PCM1: variants seen among roughly 807,000 people sequenced by gnomAD.
The protein encoded by PCM1 is pericentriolar material 1 protein.
In PCM1, 157 loss-of-function variants were observed where a neutral mutation model predicts 241.9. The observed-to-expected ratio is 0.65, with a 90% CI of 0.57 to 0.74. The LOEUF (loss-of-function observed/expected upper bound fraction) is 0.74, where lower values mean the gene tolerates loss of function less well. Among genes scored for constraint, PCM1 ranks in the 30% least tolerant of loss-of-function variants. The pLI, the probability that PCM1 is intolerant of heterozygous loss-of-function variation, is 0.00. For missense variants in PCM1, 3,478 were observed against 2,360.1 expected (o/e 1.47, Z -9.81); for synonymous variants, 1,085 against 784.9 (o/e 1.38, Z -6.39).
At chr8:18,001,009 G>A (rs189086451) in intron 29 of PCM1, among the ~76,000 whole-genome samples, 1 of 152,338 alleles carries the variant, frequency 6.6e-6, no homozygotes, top group African/African-American at 2.4e-5. Flanking sequence ...CACAGCTGGA[G>A]ATAGACATAA....
In PCM1 at chr8:17,993,520, T is replaced by C; in HGVS notation, c.4728T>C (p.Pro1576=). The change falls in exon 29 of 39, where the codon CCT becomes CCC. Residue 1576 remains proline (P), a synonymous_variant. Transcript: ENST00000325083. ...PVIENRSSQQ[P]VSEVSTIPCP... is the part of the protein sequence containing the mutation. ...TTGAAAATCGTAGTTCACAACAACC[T>C]GTAAGTGAAGTTTCTACCATCCCAT... 2 of 1,586,242 alleles carry C rather than the reference T, an allele frequency of 1.3e-6. No individual in the cohort carries two copies. Among genetic ancestry groups the C allele is most frequent in the Non-Finnish European group, 8.6e-7 (1 of 1,166,230 alleles).
At chr8:17,998,889 A>T (rs942775784) in intron 29 of PCM1, among the ~76,000 whole-genome samples, 49 of 151,956 alleles carry the variant, frequency 3.2e-4, no homozygotes, top group Non-Finnish European at 5.9e-5. Flanking sequence ...AGTCCTTCCC[A>T]CTTTTACCTC....
At chr8:17,929,387 G>A (rs1355665056) in intron 2 of PCM1, among the ~76,000 whole-genome samples, 17 of 151,826 alleles carry the variant, frequency 1.1e-4, no homozygotes, top group Non-Finnish European at 7.4e-5. Context: ...ACTCTTTATC[G>A]TCTCCCTGAG....
chr8:18,025,731 T>A (rs1358682093), intron 38 of PCM1, 73 bp downstream of exon 38: 5 of 850,560 alleles, frequency 5.9e-6, no homozygotes, highest in Non-Finnish European at 9.3e-6. Flanking sequence ...GTGTTTTATT[T>A]TTTAAATATG....
intron 29 of PCM1, among the ~76,000 whole-genome samples, chr8:18,005,077 T>G (rs1487688590): frequency 2.0e-5 from 3 of 152,202 alleles, no homozygotes; most frequent in African/African-American, 7.2e-5. Context: ...CACTCTTTTC[T>G]GCCTGGCTGA....
chr8:17,924,161 G>A (rs1171045309), intron 1 of PCM1, among the ~76,000 whole-genome samples: 2 of 152,116 alleles, frequency 1.3e-5, no homozygotes, highest in African/African-American at 4.8e-5. Context: ...GGTTACCGGA[G>A]TGGGTGTTGC....
intron 30 of PCM1, 79 bp downstream of exon 30, chr8:18,006,476 T>G: frequency 2.2e-6 from 2 of 901,374 alleles, no homozygotes; most frequent in South Asian, 3.2e-5. Context: ...TGAGGCATTT[T>G]CTTGCATTAC....
At chr8:17,955,405 C>T in intron 9 of PCM1, 65 bp from the exon 10 acceptor site, 2 of 1,094,802 alleles carry the variant, frequency 1.8e-6, no homozygotes, top group African/African-American at 1.6e-5. Flanking sequence ...TCCAAGCCAA[C>T]TGTATGTGTT....
intron 6 of PCM1, among the ~76,000 whole-genome samples, chr8:17,946,320 C>T (rs190119053): frequency 2.6e-5 from 4 of 151,946 alleles, no homozygotes; most frequent in South Asian, 4.2e-4. Context: ...ATATAAAATT[C>T]GTTATTTTCT....
At chr8:17,934,414 A>T (rs1459779297) in intron 2 of PCM1, among the ~76,000 whole-genome samples, 1 of 151,964 alleles carries the variant, frequency 6.6e-6, no homozygotes, top group Non-Finnish European at 1.5e-5. Flanking sequence ...GGCACCTGCC[A>T]CCACACCCGG....
chr8:18,017,510 T>C (rs2093339574), intron 36 of PCM1, among the ~76,000 whole-genome samples: 1 of 152,154 alleles, frequency 6.6e-6, no homozygotes, highest in Non-Finnish European at 1.5e-5. Flanking sequence ...TGACCAGTCC[T>C]CTAATGGACC....
At position 17,953,071 on chromosome 8, in the gene PCM1, T is replaced by C. The variant is rs539566367; in HGVS notation, c.1173T>C (p.Asp391=). 6.2e-7 allele frequency: 1 copy of C among 1,605,992 alleles called. No individual in the cohort carries two copies. The highest frequency in any genetic ancestry group is 2.2e-5 in the East Asian group (1 of 44,734). ...CATCAGCTTCAGAACGTTTACCTGATGAGAAAGTCGAACTTTTTAGCAAAA... is the reference window on the plus strand; with the variant it reads ...CATCAGCTTCAGAACGTTTACCTGACGAGAAAGTCGAACTTTTTAGCAAAA... ...RKPSASERLP[D]EKVELFSKMR... Residue 391 remains aspartate (D), a synonymous_variant, in exon 9 of 39, where the codon GAT becomes GAC. Transcript: ENST00000325083.
chr8:17,971,817 C>G (rs1002203484), intron 22 of PCM1, among the ~76,000 whole-genome samples: 1 of 152,224 alleles, frequency 6.6e-6, no homozygotes, highest in Non-Finnish European at 1.5e-5. Context: ...GATCATAGCT[C>G]ACTGCCTCCT....
chr8:17,933,572 C>T (rs2059622319), intron 2 of PCM1, among the ~76,000 whole-genome samples: 1 of 152,106 alleles, frequency 6.6e-6, no homozygotes, highest in African/African-American at 2.4e-5. Context: ...TCTACTTATT[C>T]ACATTTTTTC....
intron 9 of PCM1, among the ~76,000 whole-genome samples, chr8:17,954,186 G>A (rs1001742009): frequency 1.9e-4 from 29 of 152,170 alleles, no homozygotes; most frequent in Admixed American, 7.9e-4. Flanking sequence ...CCAGCACCTT[G>A]GGAGGCTGAG....
At position 17,972,672 on chromosome 8, in the gene PCM1, A is replaced by G; in HGVS notation, c.3928A>G (p.Arg1310Gly). 1 of 1,544,852 alleles carries G rather than the reference A, an allele frequency of 6.5e-7. No individual in the cohort carries two copies. The highest frequency in any genetic ancestry group is 8.7e-7 in the Non-Finnish European group (1 of 1,148,296). ...KKRNSTQLKSRVKNIRYESAS... is the reference protein window; with the variant it reads ...KKRNSTQLKSGVKNIRYESAS... ...GAGGAATTCTACTCAGCTGAAAAGC[A>G]GAGTTAAAAACATCAGTAAGTGTTG... The change falls in exon 23 of 39, where the codon AGA becomes GGA. Residue 1310 changes from arginine to glycine, a missense_variant. Arg to Gly is a moderately radical substitution (Grantham distance 125). Transcript: ENST00000325083.
chr8:17,992,119 C>T (rs1361161944), intron 28 of PCM1, among the ~76,000 whole-genome samples: 1 of 152,122 alleles, frequency 6.6e-6, no homozygotes, highest in Non-Finnish European at 1.5e-5. Context: ...TATACATATA[C>T]CACATTTTCT....
At chr8:18,023,172 G>A (rs1483059960) in intron 36 of PCM1, among the ~76,000 whole-genome samples, 1 of 152,036 alleles carries the variant, frequency 6.6e-6, no homozygotes, top group Non-Finnish European at 1.5e-5. Context: ...ATATATAAAT[G>A]TTTTCACCTA....
intron 29 of PCM1, among the ~76,000 whole-genome samples, chr8:18,004,876 C>T (rs962575375): frequency 2.0e-5 from 3 of 152,116 alleles, no homozygotes; most frequent in African/African-American, 4.8e-5. Flanking sequence ...TTTACTAAGC[C>T]GTGTCCTACC....
Sources: gnomAD v4.1 joint callset for allele counts (sites outside exome capture counted in the v4.1 genomes callset) on GRCh38, gnomAD v4.1.1 for gene constraint, MANE v1.5 for transcripts, NCBI Gene and HGNC (gene_info 2026-07-23, HGNC 2026-07-21) for gene names.